The following KANK1 variants were observed in gnomAD, a reference collection of about 807,000 sequenced individuals.
KANK1 encodes KN motif and ankyrin repeat domain-containing protein 1.
KANK1 carries 109 observed loss-of-function variants against 106.2 expected under a neutral mutation model. The ratio of observed to expected loss-of-function variants is 1.03; its 90% CI spans 0.88 to 1.20. The LOEUF is 1.20. KANK1 is among the 50% of genes most tolerant of loss of function. The pLI, the probability that KANK1 is intolerant of heterozygous loss-of-function variation, is 0.00. For synonymous variants in KANK1, 873 were observed against 652.2 expected, an observed-to-expected ratio of 1.34 and a Z score of -5.16; for missense variants, 2,399 against 1,710.7, an observed-to-expected ratio of 1.40 and a Z score of -7.10.
chr9:485,869 C>CA (rs58910749), intron 3 of KANK1, among the ~76,000 whole-genome samples: 4,328 of 98,046 alleles, frequency 0.044, 152 homozygotes, highest in African/African-American at 0.09. Flanking sequence ...AGAATTGTCT[C>CA]AAAAAAAAAA....
intron 1 of KANK1, among the ~76,000 whole-genome samples, chr9:577,909 T>A (rs1821007042): frequency 6.6e-6 from 1 of 152,180 alleles, no homozygotes; most frequent in Admixed American, 6.5e-5. Context: ...AGGAGCACCC[T>A]GAAGCTCACA....
At position 513,062 on chromosome 9, in the gene KANK1, A is replaced by C. The variant is rs866802796; in HGVS notation, c.-84+8308A>C. 1.1e-4 allele frequency among the ~76,000 whole-genome samples: 16 copies of C among 152,358 alleles called. 1 individual carries two copies. The highest frequency in any genetic ancestry group is 6.8e-3 in the Middle Eastern group (2 of 294). ...CAGCTTCAAATGGTTGAGGCTTGAC[A>C]ATGAGGCTCTTGTTAAAACACTCCA... On this transcript the variant is annotated intron_variant, in intron 1 of 11. Coordinates refer to ENST00000382297, the MANE Select transcript of KANK1 (RefSeq NM_015158.5).
At chr9:616,695 A>G (rs1420137310) in intron 1 of KANK1, among the ~76,000 whole-genome samples, 1 of 151,736 alleles carries the variant, frequency 6.6e-6, no homozygotes, top group Non-Finnish European at 1.5e-5. Flanking sequence ...ACACACACTG[A>G]TTTTTTTACT....
At chr9:612,655 G>A (rs950349136) in intron 1 of KANK1, among the ~76,000 whole-genome samples, 3 of 152,156 alleles carry the variant, frequency 2.0e-5, no homozygotes, top group African/African-American at 7.2e-5. Flanking sequence ...AGGATTTGTG[G>A]GATGAGAAAT....
chr9:576,822 A>G (rs1820689949), intron 1 of KANK1, among the ~76,000 whole-genome samples: 1 of 152,084 alleles, frequency 6.6e-6, no homozygotes, highest in Non-Finnish European at 1.5e-5. Flanking sequence ...ATGATAAATA[A>G]CTGTTAAATA....
chr9:538,962 C>G (rs2060446779), intron 1 of KANK1, among the ~76,000 whole-genome samples: 1 of 152,162 alleles, frequency 6.6e-6, no homozygotes, highest in Non-Finnish European at 1.5e-5. Flanking sequence ...CTCACTGCAG[C>G]CTCCACCTCC....
chr9:475,149 G>C (rs183001595), intron 3 of KANK1, among the ~76,000 whole-genome samples: 41 of 152,294 alleles, frequency 2.7e-4, no homozygotes, highest in Admixed American at 2.0e-3. Flanking sequence ...GGGCAGGTGG[G>C]CTCAAGCATG....
chr9:727,818 A>G (rs1429271419), intron 3 of KANK1, among the ~76,000 whole-genome samples: 1 of 152,106 alleles, frequency 6.6e-6, no homozygotes, highest in African/African-American at 2.4e-5. Context: ...ATTTTTCCAC[A>G]TCACCCACAT....
chr9:723,483 A>G (rs7022367), intron 3 of KANK1, among the ~76,000 whole-genome samples: 82,443 of 149,120 alleles, frequency 0.55, 23,777 homozygotes, highest in Non-Finnish European at 0.67. Flanking sequence ...GTGGGGCATG[A>G]TCACAAGCAC....
intron 1 of KANK1, among the ~76,000 whole-genome samples, chr9:627,650 A>G (rs1422229838): frequency 2.6e-5 from 4 of 152,190 alleles, no homozygotes; most frequent in Non-Finnish European, 4.4e-5. Flanking sequence ...GCTATTTTGA[A>G]AGCATCATGT....
Position 710,159 on chromosome 9 carries a change from A to G in KANK1, c.38-645A>G, listed in dbSNP as rs374380865. ...GAAGCTCAAAGCTCATCATTACACA[A>G]TATATCCTTGTAACAAGCCTGCACA... On this transcript the variant is annotated intron_variant, in intron 2 of 11. Transcript: ENST00000382297. Among the ~76,000 whole-genome samples the G allele has an allele frequency of 2.0e-5, 3 of 152,296 alleles. No individual in the cohort carries two copies. The South Asian group carries it at 6.2e-4, about 32-fold the overall frequency.
At chr9:710,508 C>T (rs1388889867) in intron 2 of KANK1, among the ~76,000 whole-genome samples, 2 of 151,358 alleles carry the variant, frequency 1.3e-5, no homozygotes, top group Admixed American at 6.6e-5. Context: ...ATCCCAGCAA[C>T]TCAGGAGGCT....
At chr9:470,933 C>G (rs1374795491) in intron 2 of KANK1, 1 of 152,214 alleles carries the variant, frequency 6.6e-6, no homozygotes, top group Non-Finnish European at 1.5e-5. Flanking sequence ...ACATTCTTAT[C>G]CAAGTAGGTG....
At chr9:662,834 G>A (rs1588685982) in intron 1 of KANK1, among the ~76,000 whole-genome samples, 1 of 151,894 alleles carries the variant, frequency 6.6e-6, no homozygotes, top group African/African-American at 2.4e-5. Flanking sequence ...GCTAATTTTT[G>A]TATTTTTAGT....
chr9:510,712 A>G (rs2058992319), intron 1 of KANK1, among the ~76,000 whole-genome samples: 2 of 152,206 alleles, frequency 1.3e-5, no homozygotes. Context: ...GAACTAATAT[A>G]TAGGCCGAAA....
intron 1 of KANK1, among the ~76,000 whole-genome samples, chr9:556,263 G>A (rs1033137822): frequency 3.3e-5 from 5 of 152,088 alleles, no homozygotes; most frequent in East Asian, 1.9e-4. Context: ...TTTAATTAAC[G>A]AGCATGCATT....
intron 1 of KANK1, among the ~76,000 whole-genome samples, chr9:616,783 C>T (rs7041522): frequency 0.083 from 12,663 of 152,196 alleles, 771 homozygotes; most frequent in African/African-American, 0.18. Context: ...GCAGCCTCTG[C>T]TTATGTCGCT....
intron 1 of KANK1, among the ~76,000 whole-genome samples, chr9:574,634 A>T (rs1236016762): frequency 1.3e-5 from 2 of 151,954 alleles, no homozygotes; most frequent in Non-Finnish European, 2.9e-5. Context: ...AGGCGGGTGG[A>T]TCCTGAGGTG....
At chr9:615,473 C>G (rs558827675) in intron 1 of KANK1, among the ~76,000 whole-genome samples, 6 of 152,084 alleles carry the variant, frequency 3.9e-5, no homozygotes, top group South Asian at 2.1e-4. Flanking sequence ...TAAAATTATG[C>G]TAGTTAAGAA....
Sources: gnomAD v4.1 joint callset for allele counts (sites outside exome capture counted in the v4.1 genomes callset) on GRCh38, gnomAD v4.1.1 for gene constraint, MANE v1.5 for transcripts, NCBI Gene and HGNC (gene_info 2026-07-23, HGNC 2026-07-21) for gene names.